The following GALNT2 variants were observed in gnomAD, a reference collection of about 807,000 sequenced individuals.
The protein encoded by GALNT2 is polypeptide N-acetylgalactosaminyltransferase 2.
A neutral mutation model predicts 81.4 loss-of-function variants in GALNT2; 31 were observed. The observed-to-expected ratio is 0.38, with a 90% CI of 0.29 to 0.51. The LOEUF (loss-of-function observed/expected upper bound fraction) is 0.51, where lower values mean the gene tolerates loss of function less well. Ranked by LOEUF, GALNT2 falls within the 20% of genes least tolerant of loss-of-function variation. The probability of loss-of-function intolerance (pLI) is 0.87; values close to 1 mark genes in which losing one functional copy is unlikely to be tolerated. For synonymous variants in GALNT2, 303 were observed against 287.4 expected, an observed-to-expected ratio of 1.05 and a Z score of -0.55; for missense variants, 629 against 765.7, an observed-to-expected ratio of 0.82 and a Z score of 2.11.
At chr1:230,182,083 T>G (rs1363892030) in intron 2 of GALNT2, among the ~76,000 whole-genome samples, 1 of 152,182 alleles carries the variant, frequency 6.6e-6, no homozygotes, top group Non-Finnish European at 1.5e-5. Context: ...TGTAGTTATA[T>G]CCCCACTTTC....
chr1:230,124,946 C>G (rs1421641350), intron 1 of GALNT2, among the ~76,000 whole-genome samples: 1 of 152,204 alleles, frequency 6.6e-6, no homozygotes. Flanking sequence ...GGAGCACACC[C>G]TGGTGTCTGC....
chr1:230,112,313 G>A (rs900600307), intron 1 of GALNT2, among the ~76,000 whole-genome samples: 1 of 151,162 alleles, frequency 6.6e-6, no homozygotes. Flanking sequence ...GGCGCACCCT[G>A]AGAGGGAGTG....
chr1:230,168,417 G>A (rs887072905), intron 1 of GALNT2, among the ~76,000 whole-genome samples: 1 of 152,228 alleles, frequency 6.6e-6, no homozygotes, highest in Non-Finnish European at 1.5e-5. Flanking sequence ...GGATGGTGGC[G>A]TGGAATAGAT....
intron 1 of GALNT2, among the ~76,000 whole-genome samples, chr1:230,153,611 C>T (rs1409189265): frequency 2.6e-5 from 4 of 152,180 alleles, no homozygotes; most frequent in East Asian, 1.9e-4. Context: ...CCAGATTCAC[C>T]AATCATCAGG....
intron 2 of GALNT2, among the ~76,000 whole-genome samples, chr1:230,178,814 A>G (rs1663069930): frequency 6.6e-6 from 1 of 152,014 alleles, no homozygotes; most frequent in Non-Finnish European, 1.5e-5. Context: ...TTCACTCTCG[A>G]TGTTACACAT....
intron 3 of GALNT2, among the ~76,000 whole-genome samples, chr1:230,233,204 A>T (rs1980533): frequency 0.036 from 5,483 of 152,244 alleles, 301 homozygotes; most frequent in East Asian, 0.21. Context: ...CTGAGTTCCA[A>T]ATATATATAT....
At chr1:230,202,107 G>C (rs1306606431) in intron 2 of GALNT2, among the ~76,000 whole-genome samples, 1 of 152,044 alleles carries the variant, frequency 6.6e-6, no homozygotes, top group African/African-American at 2.4e-5. Flanking sequence ...TTATTTTGTA[G>C]GAAACTTAAT....
chr1:230,174,378 C>T (rs1172680141), intron 1 of GALNT2, among the ~76,000 whole-genome samples: 1 of 152,174 alleles, frequency 6.6e-6, no homozygotes, highest in South Asian at 2.1e-4. Flanking sequence ...TTTAATTACC[C>T]GGGGCCTTTT....
chr1:230,131,562 A>ACT (rs1553259442), intron 1 of GALNT2, among the ~76,000 whole-genome samples: 1 of 152,180 alleles, frequency 6.6e-6, no homozygotes, highest in Non-Finnish European at 1.5e-5. Flanking sequence ...GGTCTTAAGC[A>ACT]CTAGCCACCC....
In GALNT2 at chr1:230,062,164, T is replaced by A. The variant is rs576619871; in HGVS notation, n.89+4086T>A. Among the ~76,000 whole-genome samples, 3 of 152,300 alleles carry A rather than the reference T, an allele frequency of 2.0e-5. No individual in the cohort carries two copies. In the South Asian group the frequency reaches 6.2e-4, roughly 32 times the overall value. Reference sequence around the variant, plus strand: ...TTTACAACTCTATTAAGAGCAAAGTTTAATGTCTTTCCATATGTTTATGGA... The same window carrying A: ...TTTACAACTCTATTAAGAGCAAAGTATAATGTCTTTCCATATGTTTATGGA... On this transcript the variant is annotated intron_variant and non_coding_transcript_variant, in intron 1 of 6. Coordinates refer to the GALNT2 transcript ENST00000494106.
chr1:230,144,699 G>A (rs561181530), intron 1 of GALNT2, among the ~76,000 whole-genome samples: 3 of 152,124 alleles, frequency 2.0e-5, no homozygotes, highest in South Asian at 2.1e-4. Flanking sequence ...AGCAAATCTC[G>A]GATGTTATTT....
intron 1 of GALNT2, among the ~76,000 whole-genome samples, chr1:230,110,178 A>G (rs1400156545): frequency 6.6e-6 from 1 of 152,188 alleles, no homozygotes; most frequent in Admixed American, 6.5e-5. Flanking sequence ...TTCTCTCAGT[A>G]TGGCTAATAG....
At chr1:230,174,303 C>G (rs1662887827) in intron 1 of GALNT2, among the ~76,000 whole-genome samples, 1 of 152,066 alleles carries the variant, frequency 6.6e-6, no homozygotes. Context: ...CAGCATTGGC[C>G]TCTCCTCTCC....
chr1:230,204,475 A>G (rs950373890), intron 3 of GALNT2, among the ~76,000 whole-genome samples: 1 of 152,096 alleles, frequency 6.6e-6, no homozygotes, highest in Non-Finnish European at 1.5e-5. Flanking sequence ...ACCCCTTTTT[A>G]TTCTTCAAAG....
At chr1:230,097,254 CTTTAA>C (rs1553256146) in intron 1 of GALNT2, among the ~76,000 whole-genome samples, 2 of 152,184 alleles carry the variant, frequency 1.3e-5, no homozygotes, top group Non-Finnish European at 2.9e-5. Flanking sequence ...TTTTCATGAT[CTTTAA>C]TTTATCAACT....
intron 1 of GALNT2, among the ~76,000 whole-genome samples, chr1:230,120,475 C>T (rs1660981681): frequency 6.6e-6 from 1 of 152,146 alleles, no homozygotes; most frequent in South Asian, 2.1e-4. Context: ...CCTCTTGGTA[C>T]CTCCACACAT....
At chr1:230,239,782 T>G (rs1005073394) in intron 6 of GALNT2, among the ~76,000 whole-genome samples, 1 of 152,232 alleles carries the variant, frequency 6.6e-6, no homozygotes, top group East Asian at 1.9e-4. Context: ...ATTCAGTGAT[T>G]TTTTTAGTAT....
Position 230,265,228 on chromosome 1 carries a change from C to A in GALNT2, c.1314-13C>A. 1 of 1,614,120 alleles carries A rather than the reference C, an allele frequency of 6.2e-7. No individual in the cohort carries two copies. ...TGTGCAGTGAAGCAGGTGATTCTCA[C>A]GTTGTTTTTCAGGGTTCCAGACCAT... On this transcript the variant is annotated splice_polypyrimidine_tract_variant and intron_variant, in intron 13 of 15. Coordinates refer to ENST00000366672, the MANE Select transcript of GALNT2 (RefSeq NM_004481.5).
At chr1:230,209,704 A>G (rs568735334) in intron 3 of GALNT2, among the ~76,000 whole-genome samples, 2 of 152,268 alleles carry the variant, frequency 1.3e-5, no homozygotes, top group East Asian at 1.9e-4. Context: ...TTAGCTGGGC[A>G]TAGTGGCTCA....
Sources: allele counts gnomAD v4.1 joint callset (sites outside exome capture counted in the v4.1 genomes callset), GRCh38; gene constraint gnomAD v4.1.1; transcripts MANE v1.5; gene names NCBI Gene and HGNC (gene_info 2026-07-23, HGNC 2026-07-21).